RALYL: variants seen among roughly 807,000 people sequenced by gnomAD.
RALYL encodes the protein RALY RNA binding protein like.
In RALYL, 29 loss-of-function variants were observed where a neutral mutation model predicts 35.1. That is an observed-to-expected ratio of 0.83 (90% CI 0.61 to 1.13). The LOEUF (loss-of-function observed/expected upper bound fraction) is 1.13. RALYL is among the 50% of genes most tolerant of loss of function. The pLI is 0.00. For synonymous variants in RALYL, 120 were observed against 127.6 expected, an observed-to-expected ratio of 0.94 and a Z score of 0.40; for missense variants, 359 against 360.4, an observed-to-expected ratio of 1.00 and a Z score of 0.03.
chr8:84,332,244 T>A (rs770243583), intron 1 of RALYL, among the ~76,000 whole-genome samples: 2 of 152,150 alleles, frequency 1.3e-5, no homozygotes, highest in African/African-American at 2.4e-5. Context: ...CTTTCAGCCT[T>A]ATTGGTCTGA....
At chr8:84,253,677 A>G (rs1012821918) in intron 1 of RALYL, among the ~76,000 whole-genome samples, 1 of 152,124 alleles carries the variant, frequency 6.6e-6, no homozygotes, top group Non-Finnish European at 1.5e-5. Context: ...AAACATTCAC[A>G]TCATCCTTTT....
At chr8:84,467,578 T>G (rs2051897253) in intron 1 of RALYL, among the ~76,000 whole-genome samples, 1 of 150,404 alleles carries the variant, frequency 6.6e-6, no homozygotes, top group Admixed American at 6.6e-5. Context: ...TGGTCAATTT[T>G]GGAATAGGTG....
intron 1 of RALYL, among the ~76,000 whole-genome samples, chr8:84,283,231 C>G (rs1836961207): frequency 6.6e-6 from 1 of 151,968 alleles, no homozygotes. Context: ...AAGAGTTAAC[C>G]TGAGTTTGCT....
intron 2 of RALYL, among the ~76,000 whole-genome samples, chr8:84,730,512 A>G (rs2132830381): frequency 1.1e-5 from 1 of 88,586 alleles, no homozygotes; most frequent in South Asian, 2.9e-4. Context: ...CCTATTCAAC[A>G]TAGTGTTGGA....
intron 6 of RALYL, among the ~76,000 whole-genome samples, chr8:84,863,427 C>T (rs1267274473): frequency 6.6e-6 from 1 of 152,148 alleles, no homozygotes; most frequent in Non-Finnish European, 1.5e-5. Flanking sequence ...GGGATCAGGT[C>T]AGAGAGTTAG....
chr8:84,534,771 G>T (rs1196701626), intron 2 of RALYL, among the ~76,000 whole-genome samples: 1 of 152,184 alleles, frequency 6.6e-6, no homozygotes, highest in Non-Finnish European at 1.5e-5. Flanking sequence ...AGGCGATATA[G>T]TTGGGGTTGC....
chr8:84,278,963 T>C (rs987743508), intron 1 of RALYL, among the ~76,000 whole-genome samples: 1 of 152,180 alleles, frequency 6.6e-6, no homozygotes, highest in East Asian at 1.9e-4. Flanking sequence ...TCACTCCTGG[T>C]ACCAATTTAC....
At chr8:84,401,155 C>G (rs117461339) in intron 1 of RALYL, among the ~76,000 whole-genome samples, 1 of 152,184 alleles carries the variant, frequency 6.6e-6, no homozygotes, top group East Asian at 1.9e-4. Context: ...TTCAGCAGCT[C>G]AACAGTCAGT....
At chr8:84,816,493 TA>T (rs544582797) in intron 4 of RALYL, among the ~76,000 whole-genome samples, 7 of 152,004 alleles carry the variant, frequency 4.6e-5, no homozygotes, top group East Asian at 1.9e-4. Context: ...TTACATTGGT[TA>T]AAAAAAACTT....
At chr8:84,667,919 A>C (rs1452602939) in intron 2 of RALYL, among the ~76,000 whole-genome samples, 3 of 152,158 alleles carry the variant, frequency 2.0e-5, no homozygotes, top group African/African-American at 7.2e-5. Flanking sequence ...GAGAATGAGC[A>C]AGAAAATGGG....
intron 4 of RALYL, among the ~76,000 whole-genome samples, chr8:84,846,572 A>T (rs1379800424): frequency 1.3e-5 from 2 of 152,166 alleles, no homozygotes; most frequent in Non-Finnish European, 2.9e-5. Flanking sequence ...TTTTTGGAAT[A>T]GTTTCAGTTG....
intron 2 of RALYL, among the ~76,000 whole-genome samples, chr8:84,621,152 A>G (rs1227764521): frequency 6.6e-6 from 1 of 152,120 alleles, no homozygotes; most frequent in Non-Finnish European, 1.5e-5. Context: ...TGTTTACCTA[A>G]GCACGCCTGG....
intron 2 of RALYL, among the ~76,000 whole-genome samples, chr8:84,746,204 T>A (rs1460170154): frequency 6.6e-6 from 1 of 151,998 alleles, no homozygotes; most frequent in Non-Finnish European, 1.5e-5. Flanking sequence ...TGAGAGGAAA[T>A]GTAAAAAATA....
Position 84,591,939 on chromosome 8 carries a change from G to A in RALYL, c.256+62362G>A, listed in dbSNP as rs138717343. 6.0e-3 allele frequency among the ~76,000 whole-genome samples: 920 copies of A among 152,194 alleles called. 10 individuals are homozygous for A. Among genetic ancestry groups the A allele is most frequent in the African/African-American group, 0.021 (855 of 41,532 alleles). On this transcript the variant is annotated intron_variant, in intron 2 of 8. Coordinates refer to ENST00000521268, the MANE Select transcript of RALYL (RefSeq NM_173848.7). ...TGTGGCTTTTATTTCTTGATAGGAC[G>A]CCTGATTCCATCTTCACCATAGCTC... is the stretch of plus-strand genomic sequence containing the variant.
At chr8:84,717,418 G>A (rs1843124499) in intron 2 of RALYL, among the ~76,000 whole-genome samples, 6 of 152,002 alleles carry the variant, frequency 3.9e-5, no homozygotes, top group Admixed American at 3.9e-4. Context: ...GATTACTACT[G>A]GCAGCAATTA....
In RALYL at chr8:84,322,572, C is replaced by T. The variant is rs887874615; in HGVS notation, c.-24+138148C>T. Among the ~76,000 whole-genome samples, 9 of 152,120 alleles carry T rather than the reference C, an allele frequency of 5.9e-5. 1 individual carries two copies. The South Asian group carries it at 1.0e-3, about 18-fold the overall frequency. On this transcript the variant is annotated intron_variant, in intron 1 of 8. Transcript: ENST00000521268. ...ATGAGCAATTTGTAAGTGACAGAGCCGAGATTTAAAGCCAGAGACCTAACC... is the reference window on the plus strand; with the variant it reads ...ATGAGCAATTTGTAAGTGACAGAGCTGAGATTTAAAGCCAGAGACCTAACC...
intron 2 of RALYL, among the ~76,000 whole-genome samples, chr8:84,676,844 C>A (rs915623836): frequency 1.3e-5 from 2 of 151,978 alleles, no homozygotes; most frequent in Non-Finnish European, 2.9e-5. Context: ...GCTTTGTCAC[C>A]CAGGCTGGAA....
At chr8:84,298,329 T>C (rs1840150199) in intron 1 of RALYL, among the ~76,000 whole-genome samples, 2 of 152,036 alleles carry the variant, frequency 1.3e-5, no homozygotes, top group South Asian at 4.1e-4. Context: ...ACTTTGTTGA[T>C]GATCAGATGG....
chr8:84,553,171 T>G (rs916496375), intron 2 of RALYL, among the ~76,000 whole-genome samples: 6 of 152,176 alleles, frequency 3.9e-5, no homozygotes, highest in Non-Finnish European at 7.4e-5. Context: ...TTTCTTTTTT[T>G]GGGAGGGGGA....
Sources: allele counts gnomAD v4.1 joint callset (sites outside exome capture counted in the v4.1 genomes callset), GRCh38; gene constraint gnomAD v4.1.1; transcripts MANE v1.5; gene names NCBI Gene and HGNC (gene_info 2026-07-23, HGNC 2026-07-21).